Variants in PCNX1 observed in about 807,000 individuals in gnomAD.
The protein encoded by PCNX1 is pecanex 1.
In PCNX1, 78 loss-of-function variants were observed where a neutral mutation model predicts 242.2. The ratio of observed to expected loss-of-function variants is 0.32; its 90% CI spans 0.27 to 0.39. The LOEUF (loss-of-function observed/expected upper bound fraction) is 0.39. PCNX1 is among the 10% of genes least tolerant of loss of function. The pLI, the probability that PCNX1 is intolerant of heterozygous loss-of-function variation, is 1.00. For synonymous variants in PCNX1, 1,024 were observed against 1,032.9 expected (o/e 0.99, Z 0.17); for missense variants, 2,581 against 2,856.5 (o/e 0.90, Z 2.20).
chr14:70,967,436 A>C (rs1241314433), intron 3 of PCNX1, among the ~76,000 whole-genome samples: 1 of 152,152 alleles, frequency 6.6e-6, no homozygotes, highest in African/African-American at 2.4e-5. Context: ...AGTAACTGTT[A>C]TGTTATCTTT....
chr14:71,025,441 T>G (rs1296901447), intron 13 of PCNX1, among the ~76,000 whole-genome samples: 1 of 152,052 alleles, frequency 6.6e-6, no homozygotes, highest in South Asian at 2.1e-4. Flanking sequence ...CCACCTTTTT[T>G]GGTAGGTAAT....
intron 1 of PCNX1, 149 bp from the exon 2 acceptor site, chr14:70,946,766 T>C: frequency 1.6e-6 from 1 of 613,154 alleles, no homozygotes; most frequent in Non-Finnish European, 2.8e-6. Context: ...GCATTGGGCA[T>C]TGAAGCTGCT....
intron 2 of PCNX1, among the ~76,000 whole-genome samples, chr14:70,961,228 A>G (rs1246611644): frequency 1.3e-5 from 2 of 152,146 alleles, no homozygotes; most frequent in Non-Finnish European, 2.9e-5. Flanking sequence ...AGCCAAAAGA[A>G]CAAAGCTGGA....
At chr14:71,017,875 C>G (rs1229900622) in intron 11 of PCNX1, among the ~76,000 whole-genome samples, 3 of 152,088 alleles carry the variant, frequency 2.0e-5, no homozygotes. Context: ...GTATTAAGTA[C>G]AAAGATGTTT....
At chr14:71,074,372 A>G (rs1196682439) in intron 27 of PCNX1, among the ~76,000 whole-genome samples, 1 of 152,230 alleles carries the variant, frequency 6.6e-6, no homozygotes, top group East Asian at 1.9e-4. Flanking sequence ...CTCATAGGGT[A>G]AGTTGCTAGA....
chr14:71,101,920 C>G (rs2062473069), intron 30 of PCNX1, 70 bp from the exon 31 acceptor site: 1 of 790,846 alleles, frequency 1.3e-6, no homozygotes, highest in East Asian at 2.8e-5. Flanking sequence ...AGAACTTTCA[C>G]TTAGTAACTG....
At chr14:71,023,481 TG>T (rs1176364506) in intron 13 of PCNX1, among the ~76,000 whole-genome samples, 1 of 152,110 alleles carries the variant, frequency 6.6e-6, no homozygotes, top group Non-Finnish European at 1.5e-5. Flanking sequence ...ATTCACTTTT[TG>T]ATAGTCTGTT....
chr14:71,053,814 C>T (rs2061107524), intron 24 of PCNX1, among the ~76,000 whole-genome samples: 2 of 152,114 alleles, frequency 1.3e-5, no homozygotes, highest in African/African-American at 4.8e-5. Context: ...TATTTCCACT[C>T]CCCCAAAAAA....
intron 12 of PCNX1, among the ~76,000 whole-genome samples, chr14:71,022,361 A>C (rs118152090): frequency 2.0e-5 from 3 of 152,170 alleles, no homozygotes; most frequent in African/African-American, 4.8e-5. Flanking sequence ...GATTTTTGCA[A>C]CTAGTTGACT....
intron 12 of PCNX1, among the ~76,000 whole-genome samples, chr14:71,020,265 C>T (rs1316014309): frequency 6.6e-6 from 1 of 152,156 alleles, no homozygotes; most frequent in Non-Finnish European, 1.5e-5. Context: ...GTCTTTATAG[C>T]AGAATGATTT....
chr14:71,015,387 TGTAAAA>T (rs1198063968), intron 11 of PCNX1, among the ~76,000 whole-genome samples: 1 of 152,180 alleles, frequency 6.6e-6, no homozygotes, highest in East Asian at 1.9e-4. Context: ...GTTTATAACA[TGTAAAA>T]GTAAAATTTA....
chr14:71,078,144 T>C lies in PCNX1; in HGVS notation c.5337+1725T>C, dbSNP rs61990421. Among the ~76,000 whole-genome samples, 815 of 152,362 alleles carry C rather than the reference T, an allele frequency of 5.3e-3. 2 individuals carry two copies. The highest frequency in any genetic ancestry group is 8.6e-3 in the Non-Finnish European group (583 of 68,042). On this transcript the variant is annotated intron_variant, in intron 28 of 35. Coordinates refer to ENST00000304743, the MANE Select transcript of PCNX1 (RefSeq NM_014982.3). ...TCCTGGTCTGTTTTGTTTTCTACTC[T>C]TACAATCTGTTTAGAAAAAAATTAT... is the stretch of plus-strand genomic sequence containing the variant.
chr14:70,968,906 A>G, intron 4 of PCNX1, 115 bp from the exon 5 acceptor site: 1 of 643,472 alleles, frequency 1.6e-6, no homozygotes, highest in Non-Finnish European at 2.8e-6. Context: ...ATACACAAAA[A>G]CTACTTTAGT....
intron 2 of PCNX1, among the ~76,000 whole-genome samples, chr14:70,954,242 C>CTCTGTTCTGT (rs138159098): frequency 4.6e-5 from 7 of 152,200 alleles, no homozygotes; most frequent in African/African-American, 1.7e-4. Context: ...TTTCTGGGCT[C>CTCTGTTCTGT]TCTGTTCTGT....
chr14:70,960,874 GACAA>G (rs1166412550), intron 2 of PCNX1, among the ~76,000 whole-genome samples: 13 of 151,564 alleles, frequency 8.6e-5, no homozygotes, highest in Middle Eastern at 3.4e-3. Flanking sequence ...ACCAATAACA[GACAA>G]ACAGAGAGCC....
intron 7 of PCNX1, among the ~76,000 whole-genome samples, chr14:70,991,055 CA>C (rs2059148754): frequency 6.6e-6 from 1 of 152,168 alleles, no homozygotes; most frequent in South Asian, 2.1e-4. Flanking sequence ...CAAACATATG[CA>C]GACAAATTAG....
rs779921331 is a variant in PCNX1, at chr14:71,028,664, A to T, written c.3467-36A>T. The T allele has an allele frequency of 3.3e-6, 4 of 1,214,622 alleles. No homozygotes were observed. The South Asian group carries it at 4.0e-5, about 12-fold the overall frequency. 75.2% of individuals were successfully genotyped at this position (1,214,622 alleles called of 1,614,324 possible). A position where few individuals can be genotyped will look rare whatever the true frequency, so the allele number is the denominator to read the frequency against. On this transcript the variant is annotated intron_variant, in intron 15 of 35. Transcript: ENST00000304743. ...CTTTTAATTATTTTCATATATTTTT[A>T]TAAAATGTTTCTTACCTTTTCCTTT...
At chr14:71,065,031 G>C (rs1176847136) in intron 26 of PCNX1, among the ~76,000 whole-genome samples, 1 of 152,166 alleles carries the variant, frequency 6.6e-6, no homozygotes, top group Non-Finnish European at 1.5e-5. Flanking sequence ...ATGGGCATTT[G>C]TGTTGGCTCC....
At chr14:71,085,353 C>T (rs2061959239) in intron 28 of PCNX1, 1 of 152,146 alleles carries the variant, frequency 6.6e-6, no homozygotes, top group South Asian at 2.1e-4. Flanking sequence ...TCTGTAAGTA[C>T]ATAATTTTTT....
Sources: gnomAD v4.1 joint callset for allele counts (sites outside exome capture counted in the v4.1 genomes callset) on GRCh38, gnomAD v4.1.1 for gene constraint, MANE v1.5 for transcripts, NCBI Gene and HGNC (gene_info 2026-07-23, HGNC 2026-07-21) for gene names.